CNST: variants seen among roughly 807,000 people sequenced by gnomAD.
The protein encoded by CNST is consortin, connexin sorting protein.
Under a neutral mutation model 72.4 loss-of-function variants are expected in CNST, and 39 were observed. The ratio of observed to expected loss-of-function variants is 0.54; its 90% CI spans 0.42 to 0.70. The LOEUF (loss-of-function observed/expected upper bound fraction) is 0.70, where lower values mean the gene tolerates loss of function less well. Among genes scored for constraint, CNST ranks in the 30% least tolerant of loss-of-function variants. CNST has a pLI of 0.00. For synonymous variants in CNST, 332 were observed against 320.1 expected, an observed-to-expected ratio of 1.04 and a Z score of -0.40; for missense variants, 871 against 868.5, an observed-to-expected ratio of 1.00 and a Z score of -0.04.
chr1:246,581,204 A>G (rs1400433814), intron 1 of CNST, among the ~76,000 whole-genome samples: 1 of 152,182 alleles, frequency 6.6e-6, no homozygotes, highest in Non-Finnish European at 1.5e-5. Context: ...ATACATGGAT[A>G]TGGTAACAGC....
At chr1:246,665,047 A>T (rs974710490) in intron 10 of CNST, among the ~76,000 whole-genome samples, 2 of 152,084 alleles carry the variant, frequency 1.3e-5, no homozygotes, top group Non-Finnish European at 1.5e-5. Context: ...AGGATCTTAG[A>T]ACAGCCAGGC....
At chr1:246,620,363 ACT>A (rs375807697) in intron 2 of CNST, among the ~76,000 whole-genome samples, 3 of 3,920 alleles carry the variant, frequency 7.7e-4, no homozygotes, top group Non-Finnish European at 2.1e-3. Flanking sequence ...CTCTGGGAAC[ACT>A]CTACAGGGAG....
At chr1:246,602,494 G>A (rs932012188) in intron 2 of CNST, among the ~76,000 whole-genome samples, 1 of 152,216 alleles carries the variant, frequency 6.6e-6, no homozygotes, top group Non-Finnish European at 1.5e-5. Flanking sequence ...CCACAGGGCT[G>A]CCTTACACCA....
chr1:246,573,286 C>T (rs763155957), intron 1 of CNST, among the ~76,000 whole-genome samples: 1 of 152,190 alleles, frequency 6.6e-6, no homozygotes, highest in Non-Finnish European at 1.5e-5. Flanking sequence ...AATACCCTTG[C>T]TCTTCCCTAC....
intron 1 of CNST, among the ~76,000 whole-genome samples, chr1:246,581,464 T>C (rs1256666191): frequency 6.6e-6 from 1 of 152,326 alleles, no homozygotes; most frequent in East Asian, 1.9e-4. Flanking sequence ...GGTTTCTCCA[T>C]GTTGGTCAGG....
chr1:246,593,106 G>T (rs915257098), intron 2 of CNST, among the ~76,000 whole-genome samples: 2 of 152,022 alleles, frequency 1.3e-5, no homozygotes, highest in East Asian at 3.9e-4. Flanking sequence ...TGTCTATATC[G>T]TATTTTTTAT....
intron 9 of CNST, among the ~76,000 whole-genome samples, chr1:246,650,122 GA>G (rs749012013): frequency 7.9e-5 from 12 of 151,946 alleles, no homozygotes; most frequent in Non-Finnish European, 1.6e-4. Flanking sequence ...TTATATTGGG[GA>G]AAAAATATTT....
At chr1:246,612,866 C>CA (rs1276824200) in intron 2 of CNST, among the ~76,000 whole-genome samples, 2 of 152,108 alleles carry the variant, frequency 1.3e-5, no homozygotes, top group African/African-American at 4.8e-5. Flanking sequence ...GCCTGGGTGA[C>CA]AGAGTGAGAC....
At chr1:246,663,369 C>G (rs1029791662) in intron 10 of CNST, among the ~76,000 whole-genome samples, 1 of 151,174 alleles carries the variant, frequency 6.6e-6, no homozygotes, top group Non-Finnish European at 1.5e-5. Flanking sequence ...CAAGACCGAA[C>G]TGTCCAAAAA....
chr1:246,634,220 CAAGAA>C (rs1664981480), intron 5 of CNST: 1 of 554,298 alleles, frequency 1.8e-6, no homozygotes, highest in Admixed American at 3.5e-5. Flanking sequence ...ATATCAATGC[CAAGAA>C]AAGAATACTT....
chr1:246,588,912 A>G (rs1291178683), intron 1 of CNST, among the ~76,000 whole-genome samples: 1 of 152,076 alleles, frequency 6.6e-6, no homozygotes, highest in Non-Finnish European at 1.5e-5. Context: ...TCAGTAACTG[A>G]ATTGATGTCC....
intron 2 of CNST, among the ~76,000 whole-genome samples, chr1:246,602,429 CTT>C (rs1662351320): frequency 6.6e-6 from 1 of 152,178 alleles, no homozygotes; most frequent in Non-Finnish European, 1.5e-5. Flanking sequence ...GGATAATCTG[CTT>C]CCAAGGTCAC....
intron 2 of CNST, chr1:246,605,914 G>A (rs1373837746): frequency 6.6e-6 from 1 of 152,020 alleles, no homozygotes; most frequent in African/African-American, 2.4e-5. Flanking sequence ...GGTGCAAGCG[G>A]CCTTGCGCCT....
intron 6 of CNST, among the ~76,000 whole-genome samples, chr1:246,635,936 C>T (rs1166362606): frequency 4.6e-4 from 70 of 151,680 alleles, no homozygotes; most frequent in Middle Eastern, 6.8e-3. Flanking sequence ...GGAAGTAAAA[C>T]GAATCCAGGT....
At chr1:246,583,917 A>G (rs1161647718) in intron 1 of CNST, among the ~76,000 whole-genome samples, 1 of 152,214 alleles carries the variant, frequency 6.6e-6, no homozygotes, top group African/African-American at 2.4e-5. Context: ...AGAAGAAAAT[A>G]TATGTGAATT....
At chr1:246,634,187 T>C (rs1287496838) in intron 5 of CNST, 177 bp downstream of exon 5, 1 of 566,348 alleles carries the variant, frequency 1.8e-6, no homozygotes, top group Non-Finnish European at 3.1e-6. Flanking sequence ...TGAGAAGACT[T>C]TTTTCTTTGT....
intron 10 of CNST, among the ~76,000 whole-genome samples, chr1:246,662,365 C>T (rs1335528975): frequency 6.6e-6 from 1 of 152,116 alleles, no homozygotes; most frequent in Admixed American, 6.6e-5. Flanking sequence ...TGAAAAGAAA[C>T]AGGTGAGATG....
chr1:246,583,049 G>A (rs937912454), intron 1 of CNST, among the ~76,000 whole-genome samples: 1 of 152,146 alleles, frequency 6.6e-6, no homozygotes, highest in African/African-American at 2.4e-5. Flanking sequence ...TGGGCAGGGG[G>A]GCCTGTAGGT....
At chr1:246,622,487 G>GATCTCTTC (rs1664158608) in intron 3 of CNST, among the ~76,000 whole-genome samples, 1 of 152,238 alleles carries the variant, frequency 6.6e-6, no homozygotes, top group Non-Finnish European at 1.5e-5. Flanking sequence ...AACAGAATGA[G>GATCTCTTC]CTGGTCCAGG....
Sources: gnomAD v4.1 joint callset for allele counts (sites outside exome capture counted in the v4.1 genomes callset) on GRCh38, gnomAD v4.1.1 for gene constraint, MANE v1.5 for transcripts, NCBI Gene and HGNC (gene_info 2026-07-23, HGNC 2026-07-21) for gene names.